Variants in IQGAP1 observed in about 807,000 individuals in gnomAD.
IQGAP1 encodes the protein IQ motif containing GTPase activating protein 1, also known as ras GTPase-activating-like protein IQGAP1.
Under a neutral mutation model 215.6 loss-of-function variants are expected in IQGAP1, and 66 were observed. The ratio of observed to expected loss-of-function variants is 0.31; its 90% CI spans 0.25 to 0.38. IQGAP1 has a LOEUF of 0.38. IQGAP1 is among the 10% of genes least tolerant of loss of function. IQGAP1 has a pLI of 1.00. For synonymous variants in IQGAP1, 772 were observed against 728.7 expected (o/e 1.06, Z -0.96); for missense variants, 1,712 against 1,997.1 (o/e 0.86, Z 2.72).
chr15:90,417,527 G>T (rs1318559280), intron 2 of IQGAP1, among the ~76,000 whole-genome samples: 1 of 152,118 alleles, frequency 6.6e-6, no homozygotes, highest in African/African-American at 2.4e-5. Flanking sequence ...TGGATATGTG[G>T]TATTATTTCT....
Position 90,441,700 on chromosome 15 carries a change from C to T in IQGAP1, c.828+16C>T, listed in dbSNP as rs760903110. On this transcript the variant is annotated intron_variant, in intron 8 of 37. Transcript: ENST00000268182. Reference sequence around the variant, plus strand: ...TAAAAACAGGGTAAAAATGCAACATCTATTCTTTCTAATTAATTTATATTA... The same window carrying T: ...TAAAAACAGGGTAAAAATGCAACATTTATTCTTTCTAATTAATTTATATTA... The T allele has an allele frequency of 6.5e-7, 1 of 1,535,882 alleles. No homozygotes were observed. The highest frequency in any genetic ancestry group is 8.9e-7 in the Non-Finnish European group (1 of 1,121,152).
chr15:90,453,565 G>C (rs1965638285), intron 13 of IQGAP1, among the ~76,000 whole-genome samples: 1 of 152,122 alleles, frequency 6.6e-6, no homozygotes. Flanking sequence ...TCTAACCCTA[G>C]CTAGTTCATT....
At chr15:90,464,837 G>A (rs1204361064) in intron 15 of IQGAP1, among the ~76,000 whole-genome samples, 1 of 150,424 alleles carries the variant, frequency 6.6e-6, no homozygotes, top group African/African-American at 2.4e-5. Flanking sequence ...GAGTGACAGA[G>A]CGAGACTCTG....
Position 90,458,040 on chromosome 15 carries a change from T to G in IQGAP1, c.1776+1725T>G, listed in dbSNP as rs78052603. 3.3e-3 allele frequency among the ~76,000 whole-genome samples: 501 copies of G among 152,280 alleles called. 4 individuals carry two copies. Among genetic ancestry groups the G allele is most frequent in the Non-Finnish European group, 6.0e-3 (407 of 68,020 alleles). On this transcript the variant is annotated intron_variant, in intron 15 of 37. Coordinates refer to ENST00000268182, the MANE Select transcript of IQGAP1 (RefSeq NM_003870.4). ...AGTACCCATTAGTAGTCACTCATTT[T>G]CCCTTAATCTCCCCCAGCCCTGGGC...
intron 2 of IQGAP1, among the ~76,000 whole-genome samples, chr15:90,404,836 C>T (rs1171568697): frequency 6.6e-6 from 1 of 152,184 alleles, no homozygotes; most frequent in African/African-American, 2.4e-5. Flanking sequence ...CTGCCTCGAC[C>T]TCCCAAAGTG....
chr15:90,433,537 T>G (rs1331127339), intron 4 of IQGAP1, among the ~76,000 whole-genome samples, 182 bp from the exon 5 acceptor site: 1 of 152,200 alleles, frequency 6.6e-6, no homozygotes, highest in Non-Finnish European at 1.5e-5. Context: ...TCCTTGCAAT[T>G]CTTATGATGA....
intron 9 of IQGAP1, among the ~76,000 whole-genome samples, chr15:90,444,611 A>T (rs779761897): frequency 6.6e-6 from 1 of 152,124 alleles, no homozygotes; most frequent in Non-Finnish European, 1.5e-5. Context: ...CAAAAATGAG[A>T]TTATACTTTT....
chr15:90,451,833 CTTT>C (rs1000688423), intron 11 of IQGAP1, among the ~76,000 whole-genome samples: 5 of 139,470 alleles, frequency 3.6e-5, no homozygotes, highest in Non-Finnish European at 3.1e-5. Context: ...TCTGTGTGCC[CTTT>C]TTTTTTTTTT....
intron 7 of IQGAP1, among the ~76,000 whole-genome samples, chr15:90,441,000 G>A (rs1366959530): frequency 2.0e-5 from 3 of 151,972 alleles, no homozygotes; most frequent in Admixed American, 6.6e-5. Flanking sequence ...CCAGCTACTC[G>A]GGAGGCTGAG....
chr15:90,474,726 G>A (rs772772840), intron 23 of IQGAP1, 33 bp downstream of exon 23: 17 of 1,500,486 alleles, frequency 1.1e-5, no homozygotes, highest in South Asian at 9.0e-5. Flanking sequence ...GCCTTGGAAC[G>A]GTTCATCCTG....
chr15:90,452,732 C>G (rs1965622089), intron 11 of IQGAP1, 43 bp from the exon 12 acceptor site: 1 of 1,593,806 alleles, frequency 6.3e-7, no homozygotes, highest in Non-Finnish European at 8.6e-7. Flanking sequence ...CCCCTGAGGG[C>G]TCTCTAAGCC....
At chr15:90,403,773 A>G (rs1964837713) in intron 2 of IQGAP1, among the ~76,000 whole-genome samples, 1 of 152,162 alleles carries the variant, frequency 6.6e-6, no homozygotes, top group Non-Finnish European at 1.5e-5. Context: ...TCCAGGGTTC[A>G]AGCGATTGTC....
chr15:90,481,088 C>T (rs1378724333), intron 26 of IQGAP1, among the ~76,000 whole-genome samples: 2 of 152,066 alleles, frequency 1.3e-5, no homozygotes, highest in Non-Finnish European at 2.9e-5. Flanking sequence ...ATCATGAAGT[C>T]GAGGTGCTGG....
chr15:90,484,162 C>T, intron 29 of IQGAP1, 58 bp from the exon 30 acceptor site: 2 of 1,548,172 alleles, frequency 1.3e-6, no homozygotes, highest in African/African-American at 1.4e-5. Context: ...GAAATGTCCT[C>T]TTGCCAACTT....
At chr15:90,491,688 C>T (rs1966206897) in intron 34 of IQGAP1, 143 bp downstream of exon 34, 1 of 675,542 alleles carries the variant, frequency 1.5e-6, no homozygotes, top group Admixed American at 2.8e-5. Flanking sequence ...TCTGACTCTC[C>T]AGCATGAGGG....
At chr15:90,448,498 T>G (rs1011428717) in intron 9 of IQGAP1, 75 bp from the exon 10 acceptor site, 1 of 1,338,562 alleles carries the variant, frequency 7.5e-7, no homozygotes, top group Non-Finnish European at 1.0e-6. Context: ...CTGAGATTGG[T>G]TTTGGGGAAG....
chr15:90,465,951 C>T, intron 15 of IQGAP1, 50 bp from the exon 16 acceptor site: 1 of 1,415,044 alleles, frequency 7.1e-7, no homozygotes, highest in Non-Finnish European at 1.0e-6. Flanking sequence ...ATGTATGTTA[C>T]ATGTACCCTG....
chr15:90,416,929 CGTT>C (rs1347640905), intron 2 of IQGAP1, among the ~76,000 whole-genome samples: 5 of 152,080 alleles, frequency 3.3e-5, no homozygotes, highest in African/African-American at 1.2e-4. Flanking sequence ...GATGGTATCT[CGTT>C]GTGGTTTTGA....
At chr15:90,388,488 G>A (rs111592783) in intron 1 of IQGAP1, 92 bp downstream of exon 1, 112,212 of 794,860 alleles carry the variant, frequency 0.14, 13,912 homozygotes, top group South Asian at 0.22. Context: ...GGCGGGTGGG[G>A]CAGGGCGGCT....
Sources: gnomAD v4.1 joint callset for allele counts (sites outside exome capture counted in the v4.1 genomes callset) on GRCh38, gnomAD v4.1.1 for gene constraint, MANE v1.5 for transcripts, NCBI Gene and HGNC (gene_info 2026-07-23, HGNC 2026-07-21) for gene names.